RAB7B: variants seen among roughly 807,000 people sequenced by gnomAD.
RAB7B encodes ras-related protein Rab-7b.
intron 1 of RAB7B, among the ~76,000 whole-genome samples, chr1:205,997,529 G>A (rs934260084): frequency 1.3e-5 from 2 of 152,114 alleles, no homozygotes; most frequent in South Asian, 2.1e-4. Context: ...AGATTAAGAC[G>A]GGCTGTAAAT....
chr1:205,999,697 C>T (rs1660860072), intron 1 of RAB7B, among the ~76,000 whole-genome samples: 1 of 152,202 alleles, frequency 6.6e-6, no homozygotes, highest in Non-Finnish European at 1.5e-5. Context: ...AACTGTCCAT[C>T]AATATGACAC....
chr1:205,987,420 A>G (rs916970784), intron 4 of RAB7B, among the ~76,000 whole-genome samples: 102 of 152,278 alleles, frequency 6.7e-4, no homozygotes, highest in African/African-American at 2.3e-3. Flanking sequence ...TCTGGTTGCA[A>G]TTTTACTTGT....
At chr1:205,988,545 T>C (rs1450428097) in intron 4 of RAB7B, among the ~76,000 whole-genome samples, 1 of 152,186 alleles carries the variant, frequency 6.6e-6, no homozygotes, top group Non-Finnish European at 1.5e-5. Flanking sequence ...GCAGTACATT[T>C]TTATATACTC....
intron 5 of RAB7B, among the ~76,000 whole-genome samples, chr1:205,979,544 GC>G (rs1165117995): frequency 1.3e-5 from 2 of 152,054 alleles, no homozygotes; most frequent in South Asian, 2.1e-4. Context: ...CCAAGAGCCT[GC>G]CCCCCCTCCC....
chr1:205,981,123 G>A (rs2102630963), intron 5 of RAB7B, among the ~76,000 whole-genome samples: 1 of 152,086 alleles, frequency 6.6e-6, no homozygotes, highest in Admixed American at 6.5e-5. Flanking sequence ...GGAACTCATG[G>A]GCTCAAACAA....
chr1:205,999,696 T>G (rs1221949748), intron 1 of RAB7B, among the ~76,000 whole-genome samples: 3 of 152,240 alleles, frequency 2.0e-5, no homozygotes, highest in African/African-American at 7.2e-5. Flanking sequence ...TAACTGTCCA[T>G]CAATATGACA....
chr1:205,998,604 C>T (rs1357142887), intron 1 of RAB7B, among the ~76,000 whole-genome samples: 3 of 152,182 alleles, frequency 2.0e-5, no homozygotes, highest in Non-Finnish European at 4.4e-5. Context: ...TGAGGACTGG[C>T]CACAGGGTCA....
At chr1:205,979,850 T>G (rs1286010654) in intron 5 of RAB7B, among the ~76,000 whole-genome samples, 1 of 152,208 alleles carries the variant, frequency 6.6e-6, no homozygotes, top group African/African-American at 2.4e-5. Context: ...CCATCTCAAG[T>G]GTCCTTCTCA....
Position 205,994,225 on chromosome 1 carries a change from C to A in RAB7B, c.-16-74G>T, listed in dbSNP as rs2102641509. 7.5e-6 allele frequency: 3 copies of A among 397,718 alleles called. No homozygotes were observed. In the East Asian group the frequency reaches 1.1e-4, roughly 14 times the overall value. The allele number at this position is 397,718 out of a possible 1,614,324, so 24.6% of individuals were successfully genotyped here. On this transcript the variant is annotated intron_variant, in intron 1 of 5. Coordinates refer to ENST00000617070, the MANE Select transcript of RAB7B (RefSeq NM_001164522.3). ...CCATTGTCACTGAGTGTGGCCTCTGCTTTCCCCTTTCCAATGGGCAAGTTA... is the reference window on the plus strand; with the variant it reads ...CCATTGTCACTGAGTGTGGCCTCTGATTTCCCCTTTCCAATGGGCAAGTTA...
chr1:205,985,848 T>TCCCCACCAGG (rs1571792921), intron 4 of RAB7B, among the ~76,000 whole-genome samples, 183 bp from the exon 5 acceptor site: 5 of 6,372 alleles, frequency 7.8e-4, no homozygotes, highest in African/African-American at 1.9e-3. Context: ...CCACCACCAC[T>TCCCCACCAGG]CCCATTTATT....
At chr1:205,990,779 T>TTTTC (rs1660707465) in intron 4 of RAB7B, among the ~76,000 whole-genome samples, 1 of 65,484 alleles carries the variant, frequency 1.5e-5, no homozygotes, top group African/African-American at 6.2e-5. Flanking sequence ...AAGACTGTCT[T>TTTTC]TTTCTTTCTT....
At chr1:205,985,717 C>A (rs1660581195) in intron 4 of RAB7B, 52 bp from the exon 5 acceptor site, 1 of 86,214 alleles carries the variant, frequency 1.2e-5, no homozygotes. Context: ...TCGCCATCAC[C>A]ACCATTGCCA....
rs1369890626 is a variant in RAB7B at position 206,003,319 on chromosome 1, G to A, written c.-83C>T. ...CTGGGAGTCCTCTCTCAGTCTGGTG[G>A]TCTCTTCTTAGAGCAGTGGTCTCAG... On this transcript the variant is annotated 5_prime_UTR_variant, in exon 1 of 6. Coordinates refer to ENST00000617070, the MANE Select transcript of RAB7B (RefSeq NM_001164522.3). 1 of 152,274 alleles carries A rather than the reference G, an allele frequency of 6.6e-6. No homozygotes were observed. Among genetic ancestry groups the A allele is most frequent in the African/African-American group, 2.4e-5 (1 of 41,442 alleles). 9.4% of individuals were successfully genotyped at this position (152,274 alleles called of 1,614,324 possible).
At chr1:205,988,848 A>G (rs1660665153) in intron 4 of RAB7B, among the ~76,000 whole-genome samples, 1 of 152,092 alleles carries the variant, frequency 6.6e-6, no homozygotes. Flanking sequence ...CCCCTTCTCC[A>G]TGTCCACACC....
At chr1:205,983,939 G>A (rs971633352) in intron 5 of RAB7B, 5 of 152,266 alleles carry the variant, frequency 3.3e-5, no homozygotes, top group South Asian at 4.1e-4. Context: ...CAGGTGCTAA[G>A]CATGCACAGA....
chr1:205,979,093 C>A (rs1660440307), intron 5 of RAB7B, among the ~76,000 whole-genome samples, 165 bp from the exon 6 acceptor site: 1 of 152,190 alleles, frequency 6.6e-6, no homozygotes, highest in Non-Finnish European at 1.5e-5. Context: ...CCCCACCCTC[C>A]TTCTTCCCTG....
chr1:205,979,999 G>C (rs1374729945), intron 5 of RAB7B, among the ~76,000 whole-genome samples: 1 of 152,188 alleles, frequency 6.6e-6, no homozygotes, highest in Non-Finnish European at 1.5e-5. Context: ...ACCTCAGGAG[G>C]TGGTGTCCAG....
rs1660585693 is a variant in RAB7B at position 205,985,761 on chromosome 1, C to CAGGCCCACA, written c.397-97_397-96insTGTGGGCCT. The CAGGCCCACA allele has an allele frequency of 7.3e-6, 2 of 274,558 alleles. 1 individual carries two copies. The highest frequency in any genetic ancestry group is 1.3e-5 in the Non-Finnish European group (2 of 155,614). 17.0% of individuals were successfully genotyped at this position (274,558 alleles called of 1,614,324 possible). A position where few individuals can be genotyped will look rare whatever the true frequency, so the allele number is the denominator to read the frequency against. On this transcript the variant is annotated intron_variant, in intron 4 of 5. Transcript: ENST00000617070. ...TCCCCACCATCCCCATCAGGCCCAC[C>CAGGCCCACA]ATCCCCACCATCCCCATCATCCCCA...
In RAB7B at chr1:205,994,101, A is replaced by G. The variant is rs1163366650; in HGVS notation, c.35T>C (p.Ile12Thr). The change falls in exon 2 of 6, where the codon ATT becomes ACT. Residue 12 changes from isoleucine to threonine, a missense_variant. By Grantham distance (89) the Ile-to-Thr change is moderately conservative. Transcript: ENST00000617070. ...GGCTTACCCAATGGCTCCGACGATA[A>G]TGAGTTTCAGGTCCACCTTCTTCCG... Reference protein sequence around the residue: ...NPRKKVDLKLIIVGAIGVGKT... With the variant: ...NPRKKVDLKLTIVGAIGVGKT... 2.5e-6 allele frequency: 1 copy of G among 398,538 alleles called. No homozygotes were observed. The highest frequency in any genetic ancestry group is 3.6e-5 in the East Asian group (1 of 28,082). 24.7% of individuals were successfully genotyped at this position (398,538 alleles called of 1,614,324 possible).
Sources: gnomAD v4.1 joint callset for allele counts (sites outside exome capture counted in the v4.1 genomes callset) on GRCh38, gnomAD v4.1.1 for gene constraint, MANE v1.5 for transcripts, NCBI Gene and HGNC (gene_info 2026-07-23, HGNC 2026-07-21) for gene names.